GRM7: variants seen among roughly 807,000 people sequenced by gnomAD.
The protein encoded by GRM7 is metabotropic glutamate receptor 7.
In GRM7, 35 loss-of-function variants were observed where a neutral mutation model predicts 84.5. The ratio of observed to expected loss-of-function variants is 0.41; its 90% confidence interval spans 0.32 to 0.55. GRM7 has a LOEUF of 0.55. Ranked by LOEUF, GRM7 falls within the 20% of genes least tolerant of loss-of-function variation. GRM7 has a pLI of 0.19. For synonymous variants in GRM7, 487 were observed against 455.1 expected (o/e 1.07, Z -0.89); for missense variants, 1,003 against 1,194.6 (o/e 0.84, Z 2.36).
intron 2 of GRM7, among the ~76,000 whole-genome samples, chr3:7,157,534 A>G (rs1244091549): frequency 2.0e-5 from 3 of 152,030 alleles, no homozygotes; most frequent in African/African-American, 7.2e-5. Flanking sequence ...TAGATCCTCA[A>G]AAGAAACCAT....
intron 2 of GRM7, among the ~76,000 whole-genome samples, chr3:7,179,752 C>T (rs566999988): frequency 6.6e-6 from 1 of 152,254 alleles, no homozygotes; most frequent in East Asian, 1.9e-4. Flanking sequence ...TTGTCTTAAA[C>T]TTTGTACATG....
intron 2 of GRM7, among the ~76,000 whole-genome samples, chr3:7,296,808 A>G (rs1228491510): frequency 6.6e-6 from 1 of 150,922 alleles, no homozygotes; most frequent in Non-Finnish European, 1.5e-5. Flanking sequence ...TATATTTTCA[A>G]AAACAGCTTT....
chr3:7,268,906 C>T (rs571021540), intron 2 of GRM7, among the ~76,000 whole-genome samples: 1 of 152,286 alleles, frequency 6.6e-6, no homozygotes, highest in South Asian at 2.1e-4. Context: ...TCAGTCCAAA[C>T]CAATGGCCTC....
At chr3:7,260,098 GA>G (rs1426963122) in intron 2 of GRM7, among the ~76,000 whole-genome samples, 1 of 151,392 alleles carries the variant, frequency 6.6e-6, no homozygotes, top group African/African-American at 2.4e-5. Flanking sequence ...GTCTTCTTTT[GA>G]AAAGTGTCTG....
intron 1 of GRM7, among the ~76,000 whole-genome samples, chr3:6,942,914 T>G (rs558491639): frequency 1.3e-5 from 2 of 152,238 alleles, no homozygotes; most frequent in East Asian, 3.9e-4. Flanking sequence ...GTTTAGCCAT[T>G]CGAGTATGCA....
chr3:7,137,056 G>T (rs1329630505), intron 1 of GRM7, among the ~76,000 whole-genome samples: 1 of 151,990 alleles, frequency 6.6e-6, no homozygotes, highest in African/African-American at 2.4e-5. Flanking sequence ...CTGTTTATTG[G>T]ATATAACTTA....
chr3:7,043,704 T>G (rs1269394755), intron 1 of GRM7, among the ~76,000 whole-genome samples: 3 of 152,212 alleles, frequency 2.0e-5, no homozygotes, highest in Non-Finnish European at 4.4e-5. Context: ...CCACACATAA[T>G]GCACCTGATG....
chr3:7,031,990 C>T (rs11927089), intron 1 of GRM7, among the ~76,000 whole-genome samples: 14,759 of 152,122 alleles, frequency 0.097, 2,404 homozygotes, highest in African/African-American at 0.33. Context: ...ATTGATCAGG[C>T]ATTAAGGGAA....
intron 1 of GRM7, among the ~76,000 whole-genome samples, chr3:6,872,613 G>GC (rs1024006549): frequency 1.3e-5 from 2 of 151,440 alleles, no homozygotes; most frequent in African/African-American, 2.4e-5. Context: ...CCCTCCCTTA[G>GC]CCCCCCCAAC....
At chr3:7,485,622 C>A (rs1699291765) in intron 7 of GRM7, among the ~76,000 whole-genome samples, 1 of 152,192 alleles carries the variant, frequency 6.6e-6, no homozygotes, top group Non-Finnish European at 1.5e-5. Flanking sequence ...AGATAAACAT[C>A]AAATCCTCCC....
Position 7,452,594 on chromosome 3 carries a change from T to C in GRM7, c.1175-13T>C. 3.2e-6 allele frequency: 5 copies of C among 1,560,656 alleles called. No homozygotes were observed. The highest frequency in any genetic ancestry group is 4.4e-6 in the Non-Finnish European group (5 of 1,131,748). On this transcript the variant is annotated splice_polypyrimidine_tract_variant and intron_variant, in intron 5 of 9. Transcript: ENST00000357716. ...TGTGTGTGTGTGTGTGTGTTTCTTGTTTTAATGTGCAGGACAGGAGAGAAT... is the reference window on the plus strand; with the variant it reads ...TGTGTGTGTGTGTGTGTGTTTCTTGCTTTAATGTGCAGGACAGGAGAGAAT...
intron 8 of GRM7, among the ~76,000 whole-genome samples, chr3:7,599,201 A>C (rs1161344450): frequency 6.6e-6 from 1 of 152,160 alleles, no homozygotes; most frequent in Non-Finnish European, 1.5e-5. Flanking sequence ...GAGTACCCTG[A>C]TGTCTTTACA....
intron 7 of GRM7, among the ~76,000 whole-genome samples, chr3:7,565,873 G>T (rs76973740): frequency 0.14 from 21,584 of 152,104 alleles, 1,692 homozygotes; most frequent in African/African-American, 0.17. Flanking sequence ...TTTTGCTCCT[G>T]GCAAGTCAGC....
intron 1 of GRM7, among the ~76,000 whole-genome samples, chr3:7,072,149 A>G (rs1210907602): frequency 6.6e-6 from 1 of 152,078 alleles, no homozygotes; most frequent in Non-Finnish European, 1.5e-5. Flanking sequence ...GATTTTCACT[A>G]TGGGCATAAC....
At chr3:7,416,735 C>A (rs1199921257) in intron 5 of GRM7, among the ~76,000 whole-genome samples, 1 of 151,992 alleles carries the variant, frequency 6.6e-6, no homozygotes, top group Non-Finnish European at 1.5e-5. Flanking sequence ...AACAATAGTT[C>A]TGAGATATGG....
intron 2 of GRM7, among the ~76,000 whole-genome samples, chr3:7,162,496 A>T (rs1378466911): frequency 6.6e-6 from 1 of 152,118 alleles, no homozygotes; most frequent in South Asian, 2.1e-4. Context: ...GAGATGATCA[A>T]TGGCTTTGAA....
intron 2 of GRM7, among the ~76,000 whole-genome samples, chr3:7,169,301 C>A (rs900932154): frequency 1.3e-5 from 2 of 152,004 alleles, no homozygotes; most frequent in African/African-American, 2.4e-5. Context: ...GTAGAAATAC[C>A]ATTTGTCCCT....
chr3:6,927,487 A>G (rs745456274), intron 1 of GRM7, among the ~76,000 whole-genome samples: 3 of 117,510 alleles, frequency 2.6e-5, no homozygotes, highest in African/African-American at 6.1e-5. Flanking sequence ...GAAAGAAAGA[A>G]AGAAAGAAAG....
chr3:7,700,644 T>G (rs1313227752), intron 9 of GRM7, among the ~76,000 whole-genome samples: 1 of 152,170 alleles, frequency 6.6e-6, no homozygotes, highest in African/African-American at 2.4e-5. Flanking sequence ...AATTTCTGAT[T>G]AAACACAATA....
Sources: gnomAD v4.1 joint callset for allele counts (sites outside exome capture counted in the v4.1 genomes callset) on GRCh38, gnomAD v4.1.1 for gene constraint, MANE v1.5 for transcripts, NCBI Gene and HGNC (gene_info 2026-07-23, HGNC 2026-07-21) for gene names.